Variants in NECAB1 observed in about 807,000 individuals in gnomAD.
The protein encoded by NECAB1 is N-terminal EF-hand calcium-binding protein 1.
In NECAB1, 29 loss-of-function variants were observed where a neutral mutation model predicts 57.5. That is an observed-to-expected ratio of 0.50 (90% CI 0.38 to 0.69). NECAB1 has a LOEUF of 0.69. NECAB1 is among the 30% of genes least tolerant of loss of function. The probability of loss-of-function intolerance (pLI) is 0.00; values close to 1 mark genes in which losing one functional copy is unlikely to be tolerated. For missense variants in NECAB1, 372 were observed against 413.8 expected (o/e 0.90, Z 0.88); for synonymous variants, 142 against 147.7 (o/e 0.96, Z 0.28).
intron 5 of NECAB1, among the ~76,000 whole-genome samples, chr8:90,883,967 C>T (rs1808909055): frequency 6.6e-6 from 1 of 152,120 alleles, no homozygotes; most frequent in South Asian, 2.1e-4. Context: ...TCATCACGTG[C>T]TATGTTATAT....
intron 4 of NECAB1, among the ~76,000 whole-genome samples, chr8:90,874,446 T>A (rs1392446157): frequency 1.3e-5 from 2 of 152,368 alleles, no homozygotes; most frequent in East Asian, 3.9e-4. Flanking sequence ...TTTAACAGAA[T>A]TATGTAGGCG....
intron 2 of NECAB1, among the ~76,000 whole-genome samples, chr8:90,805,272 A>T (rs190009040): frequency 3.9e-5 from 6 of 152,334 alleles, no homozygotes; most frequent in African/African-American, 1.4e-4. Context: ...AGCTCTTGCT[A>T]ACAGACCCTC....
chr8:90,892,965 G>T (rs557486957), intron 5 of NECAB1, among the ~76,000 whole-genome samples: 1 of 152,240 alleles, frequency 6.6e-6, no homozygotes, highest in Admixed American at 6.5e-5. Flanking sequence ...CCTCGTGCCA[G>T]TCCTTACCAG....
chr8:90,879,193 C>CTTTTTTTTTTTTTTTTTTTTTATTTTT, intron 4 of NECAB1, among the ~76,000 whole-genome samples: 1 of 124,116 alleles, frequency 8.1e-6, no homozygotes, highest in African/African-American at 3.0e-5. Context: ...TTTTCACTTT[C>CTTTTTTTTTTTTTTTTTTTTTATTTTT]TTTTTTTTTT....
intron 3 of NECAB1, among the ~76,000 whole-genome samples, chr8:90,860,476 A>G (rs1246999451): frequency 6.6e-6 from 1 of 152,184 alleles, no homozygotes; most frequent in Non-Finnish European, 1.5e-5. Context: ...CAGCTAAATA[A>G]CAATACAAGG....
intron 4 of NECAB1, among the ~76,000 whole-genome samples, chr8:90,873,643 C>G (rs1260750206): frequency 6.6e-6 from 1 of 152,122 alleles, no homozygotes; most frequent in Non-Finnish European, 1.5e-5. Context: ...TTGTTTTTCA[C>G]TTAACTTTGC....
chr8:90,875,843 A>AC (rs1808715556), intron 4 of NECAB1, among the ~76,000 whole-genome samples: 1 of 24,002 alleles, frequency 4.2e-5, no homozygotes, highest in Non-Finnish European at 5.8e-5. Flanking sequence ...TACTAAAAAT[A>AC]CAAAAAAAAA....
rs577663239 is a variant in NECAB1 at position 90,896,418 on chromosome 8, C to G, written c.357+15288C>G. On this transcript the variant is annotated intron_variant, in intron 5 of 12. Coordinates refer to ENST00000417640, the MANE Select transcript of NECAB1 (RefSeq NM_022351.5). ...AGGAGATCGAGACCATCCTGGCTAA[C>G]ATGGTGAAACCCCGTCTCTACTAAA... Among the ~76,000 whole-genome samples, 13 of 152,186 alleles carry G rather than the reference C, an allele frequency of 8.5e-5. 1 individual carries two copies. The South Asian group carries it at 2.3e-3, about 27-fold the overall frequency.
At chr8:90,869,697 A>C (rs1398330910) in intron 3 of NECAB1, among the ~76,000 whole-genome samples, 1 of 152,176 alleles carries the variant, frequency 6.6e-6, no homozygotes, top group Non-Finnish European at 1.5e-5. Flanking sequence ...GTATCTTGGA[A>C]GTAAGTAATT....
At chr8:90,914,235 A>G (rs1809897408) in intron 5 of NECAB1, among the ~76,000 whole-genome samples, 1 of 152,214 alleles carries the variant, frequency 6.6e-6, no homozygotes, top group Non-Finnish European at 1.5e-5. Flanking sequence ...CAAATGAACA[A>G]CAGATCACAA....
intron 2 of NECAB1, among the ~76,000 whole-genome samples, chr8:90,803,765 C>G (rs530116809): frequency 1.3e-5 from 2 of 152,222 alleles, no homozygotes; most frequent in Admixed American, 1.3e-4. Flanking sequence ...GCACTCAGTC[C>G]CCCTGGGCAC....
At chr8:90,926,031 T>G (rs1810259981) in intron 7 of NECAB1, among the ~76,000 whole-genome samples, 1 of 152,162 alleles carries the variant, frequency 6.6e-6, no homozygotes, top group Admixed American at 6.6e-5. Flanking sequence ...CCTAAGTTCA[T>G]CTGGGGAAAG....
chr8:90,946,550 A>G (rs1398217338), intron 10 of NECAB1, among the ~76,000 whole-genome samples: 1 of 152,228 alleles, frequency 6.6e-6, no homozygotes, highest in Non-Finnish European at 1.5e-5. Flanking sequence ...AAGTACATTT[A>G]TTATTCTCAA....
chr8:90,924,441 T>G (rs1032433151), intron 6 of NECAB1, among the ~76,000 whole-genome samples: 3 of 152,156 alleles, frequency 2.0e-5, no homozygotes, highest in African/African-American at 7.2e-5. Context: ...CCCTAGCTGA[T>G]AGATAATGAA....
chr8:90,916,633 C>T (rs1809959556), intron 5 of NECAB1, among the ~76,000 whole-genome samples: 1 of 152,192 alleles, frequency 6.6e-6, no homozygotes, highest in South Asian at 2.1e-4. Context: ...ATTTCACTGG[C>T]TGGTCCCATG....
rs1270278044 is a variant in NECAB1 at position 90,957,648 on chromosome 8, T to A, written c.*2136T>A. Reference sequence around the variant, plus strand: ...ACATACACATATATACTGGAACCTATAGTAGAAAAGGAAACTAGTAGGGCC... The same window carrying A: ...ACATACACATATATACTGGAACCTAAAGTAGAAAAGGAAACTAGTAGGGCC... On this transcript the variant is annotated 3_prime_UTR_variant, in exon 13 of 13. Transcript: ENST00000417640. 9 of 129,146 alleles carry A rather than the reference T, an allele frequency of 7.0e-5. No individual in the cohort carries two copies. The highest frequency in any genetic ancestry group is 2.6e-4 in the African/African-American group (9 of 34,340). The allele number at this position is 129,146 out of a possible 1,614,324, so 8.0% of individuals were successfully genotyped here. A position where few individuals can be genotyped will look rare whatever the true frequency, so the allele number is the denominator to read the frequency against.
At chr8:90,853,858 T>TC (rs1812737073) in intron 3 of NECAB1, among the ~76,000 whole-genome samples, 1 of 151,998 alleles carries the variant, frequency 6.6e-6, no homozygotes, top group Non-Finnish European at 1.5e-5. Context: ...CTCAAATCTG[T>TC]CCCCCTAACC....
chr8:90,856,786 G>A (rs1445112539), intron 3 of NECAB1, among the ~76,000 whole-genome samples: 1 of 152,170 alleles, frequency 6.6e-6, no homozygotes, highest in Non-Finnish European at 1.5e-5. Context: ...CTGACAAAGT[G>A]CAGCACTTGC....
chr8:90,899,946 T>A (rs568337740), intron 5 of NECAB1, among the ~76,000 whole-genome samples: 33 of 152,140 alleles, frequency 2.2e-4, no homozygotes, highest in Non-Finnish European at 4.4e-4. Context: ...CATTCCTTCC[T>A]CCCTACAGTC....
Sources: gnomAD v4.1 joint callset for allele counts (sites outside exome capture counted in the v4.1 genomes callset) on GRCh38, gnomAD v4.1.1 for gene constraint, MANE v1.5 for transcripts, NCBI Gene and HGNC (gene_info 2026-07-23, HGNC 2026-07-21) for gene names.